PRPF8: variants seen among roughly 807,000 people sequenced by gnomAD.
The protein encoded by PRPF8 is pre-mRNA-processing-splicing factor 8.
A neutral mutation model predicts 285.9 loss-of-function variants in PRPF8; 64 were observed. The ratio of observed to expected loss-of-function variants is 0.22; its 90% CI spans 0.18 to 0.28. PRPF8 has a LOEUF of 0.28. Among genes scored for constraint, PRPF8 ranks in the 10% least tolerant of loss-of-function variants. PRPF8 has a pLI of 1.00. For missense variants in PRPF8, 1,426 were observed against 3,026.7 expected (o/e 0.47, Z 12.41); for synonymous variants, 1,325 against 1,118.2 (o/e 1.18, Z -3.69).
chr17:1,652,190 T>A, intron 39 of PRPF8: 1 of 342,966 alleles, frequency 2.9e-6, no homozygotes, highest in Non-Finnish European at 5.7e-6. Context: ...TACTATAAAC[T>A]CACCCACACA....
chr17:1,682,317 G>A (rs997580101), intron 3 of PRPF8, 24 bp from the exon 4 acceptor site: 1 of 1,612,556 alleles, frequency 6.2e-7, no homozygotes, highest in African/African-American at 1.3e-5. Flanking sequence ...AAAAGAGAAG[G>A]CTATCAGAAA....
intron 36 of PRPF8, 106 bp from the exon 37 acceptor site, chr17:1,655,649 CAG>C (rs1466617453): frequency 1.1e-5 from 11 of 1,009,050 alleles, no homozygotes; most frequent in Admixed American, 5.7e-5. Context: ...TCTTTTGAGA[CAG>C]AGTCTTGCTC....
At chr17:1,680,885 C>G in intron 7 of PRPF8, 44 bp downstream of exon 7, 1 of 1,614,176 alleles carries the variant, frequency 6.2e-7, no homozygotes, top group Non-Finnish European at 8.5e-7. Flanking sequence ...CCAACCTAAA[C>G]AGCAGCCTTC....
Position 1,678,887 on chromosome 17 carries a change from G to C in PRPF8, c.1600-6C>G, listed in dbSNP as rs1362308988. ...AAACGAGATTTCTTTCTTTCCTGGAGAAGATGCAAAAAACAGACAGAACGT... is the reference window on the plus strand; with the variant it reads ...AAACGAGATTTCTTTCTTTCCTGGACAAGATGCAAAAAACAGACAGAACGT... On this transcript the variant is annotated splice_polypyrimidine_tract_variant and splice_region_variant and intron_variant, in intron 11 of 42. Coordinates refer to ENST00000304992, the MANE Select transcript of PRPF8 (RefSeq NM_006445.4). 11 of 1,613,986 alleles carry C rather than the reference G, an allele frequency of 6.8e-6. No homozygotes were observed. In the Admixed American group the frequency reaches 1.3e-4, roughly 20 times the overall value.
In PRPF8 at chr17:1,650,805, G is replaced by A. The variant is rs1367849430; in HGVS notation, c.7005C>T (p.Ala2335=). 1.9e-6 allele frequency: 3 copies of A among 1,613,872 alleles called. No homozygotes were observed. The highest frequency in any genetic ancestry group is 1.3e-5 in the African/African-American group (1 of 74,918). ...GAAGCAGGAGGCAGGGAAACGGTCA[G>A]GCATACAGGTCCTCCCGATCCGCAG... The part of the protein sequence containing the change: ...VYSADREDLY[A] Residue 2335 remains alanine (A), a synonymous_variant, in exon 43 of 43, where the codon GCC becomes GCT. Transcript: ENST00000304992.
At chr17:1,680,578 C>T in intron 8 of PRPF8, 148 bp downstream of exon 8, 3 of 765,770 alleles carry the variant, frequency 3.9e-6, no homozygotes, top group Non-Finnish European at 6.8e-6. Context: ...AAAGCAAATG[C>T]TGAATTCTCA....
At chr17:1,678,134 G>GT (rs1912708165) in intron 13 of PRPF8, among the ~76,000 whole-genome samples, 1 of 152,150 alleles carries the variant, frequency 6.6e-6, no homozygotes, top group Non-Finnish European at 1.5e-5. Context: ...GGCCAATACA[G>GT]TGAAACCCCA....
Position 1,651,370 on chromosome 17 carries a change from A to C in PRPF8, c.6650+44T>G. 6.2e-7 allele frequency: 1 copy of C among 1,614,012 alleles called. No homozygotes were observed. The highest frequency in any genetic ancestry group is 2.2e-5 in the East Asian group (1 of 44,862). The stretch of plus-strand genomic sequence containing the variant: ...GCCACTGTTCTGGGCCCTGGCCTGC[A>C]ATCCCTGCCCCACCATACTTCCTCC... On this transcript the variant is annotated intron_variant, in intron 41 of 42. Transcript: ENST00000304992. This position sits in a 1 kb window ranked among gnomAD's most constrained non-coding sequence, Gnocchi z 5.1.
At chr17:1,683,733 C>A (rs1002472183) in intron 2 of PRPF8, 32 bp from the exon 3 acceptor site, 1 of 1,612,324 alleles carries the variant, frequency 6.2e-7, no homozygotes, top group Admixed American at 1.7e-5. Flanking sequence ...AAGGCCTGCA[C>A]ACCCTCCCCC....
Position 1,675,118 on chromosome 17 carries a change from C to A in PRPF8, c.3060+34G>T. ...GTCAGTGGGCCAGACAAGCACTCCACACACAATTCCATGCTACTGCGCCTG... is the reference window on the plus strand; with the variant it reads ...GTCAGTGGGCCAGACAAGCACTCCAAACACAATTCCATGCTACTGCGCCTG... On this transcript the variant is annotated intron_variant, in intron 20 of 42. Coordinates refer to ENST00000304992, the MANE Select transcript of PRPF8 (RefSeq NM_006445.4). This position sits in a 1 kb window ranked among gnomAD's most constrained non-coding sequence, Gnocchi z 6.0. 1 of 1,611,720 alleles carries A rather than the reference C, an allele frequency of 6.2e-7. No individual in the cohort carries two copies. Among genetic ancestry groups the A allele is most frequent in the Non-Finnish European group, 8.5e-7 (1 of 1,179,610 alleles).
rs377201730 is a variant in PRPF8 at position 1,673,399 on chromosome 17, C to T, written c.3615G>A (p.Glu1205=). Residue 1205 remains glutamate, a synonymous_variant, in exon 23 of 43, where the codon GAG becomes GAA. Transcript: ENST00000304992. The surrounding 1 kb of genome is among the most constrained non-coding windows in gnomAD (Gnocchi z 5.5). ...RILPKCRTSY[E]EFTHKDGVWN... The stretch of plus-strand genomic sequence containing the variant: ...AGACCCCGTCCTTGTGGGTGAACTC[C>T]TCATAGCTGGTGCGGCACTTAGGCA... 2.4e-5 allele frequency: 38 copies of T among 1,614,040 alleles called. No homozygotes were observed. The African/African-American group carries it at 4.8e-4, about 20-fold the overall frequency.
chr17:1,671,984 C>T (rs1473437839), intron 24 of PRPF8, among the ~76,000 whole-genome samples: 1 of 151,766 alleles, frequency 6.6e-6, no homozygotes, highest in African/African-American at 2.4e-5. Context: ...GCGCCACTGC[C>T]CTTCAGCCTA....
chr17:1,651,980 C>G lies in PRPF8; in HGVS notation c.6370-192G>C. The G allele has an allele frequency of 2.8e-6, 2 of 713,284 alleles. No individual in the cohort carries two copies. Among genetic ancestry groups the G allele is most frequent in the South Asian group, 3.3e-5 (2 of 61,134 alleles). The allele number at this position is 713,284 out of a possible 1,614,324, so 44.2% of individuals were successfully genotyped here. On this transcript the variant is annotated intron_variant, in intron 39 of 42. Transcript: ENST00000304992. The surrounding 1 kb of genome is among the most constrained non-coding windows in gnomAD (Gnocchi z 5.1). Reference sequence around the variant, plus strand: ...AGACATGGACCTCATCGCGGACTTACCACATCAGAATCTCCTGAGTGGGGT... The same window carrying G: ...AGACATGGACCTCATCGCGGACTTAGCACATCAGAATCTCCTGAGTGGGGT...
rs1422833600 is a variant in PRPF8, at chr17:1,659,565, T to G, written c.4947-17A>C. ...ATCACATCCCTGAGGATGAAGAGGG[T>G]TCAAGCTTCTAAGAAACCATGGGCA... On this transcript the variant is annotated splice_polypyrimidine_tract_variant and intron_variant, in intron 31 of 42. Coordinates refer to ENST00000304992, the MANE Select transcript of PRPF8 (RefSeq NM_006445.4). This position sits in a 1 kb window ranked among gnomAD's most constrained non-coding sequence, Gnocchi z 5.1. 5.6e-6 allele frequency: 9 copies of G among 1,609,630 alleles called. No homozygotes were observed. Among genetic ancestry groups the G allele is most frequent in the Non-Finnish European group, 7.6e-6 (9 of 1,179,450 alleles).
Position 1,653,107 on chromosome 17 carries a change from T to C in PRPF8, c.6369+435A>G. The C allele has an allele frequency of 7.0e-6, 2 of 287,366 alleles. No homozygotes were observed. The highest frequency in any genetic ancestry group is 6.8e-5 in the South Asian group (2 of 29,424). The allele number at this position is 287,366 out of a possible 1,614,324, so 17.8% of individuals were successfully genotyped here. ...GCGCATGCCACCATGCCTGGCTAAT[T>C]TTTTGTATTTTTAGTAGAGACAGGG... is the stretch of plus-strand genomic sequence containing the variant. On this transcript the variant is annotated intron_variant, in intron 39 of 42. Transcript: ENST00000304992. The surrounding 1 kb of genome is among the most constrained non-coding windows in gnomAD (Gnocchi z 4.9).
Position 1,654,798 on chromosome 17 carries a change from A to C in PRPF8, c.5987+552T>G, listed in dbSNP as rs539440351. The C allele has an allele frequency of 7.9e-5, 13 of 164,360 alleles. 1 individual carries two copies. The South Asian group carries it at 1.9e-3, about 24-fold the overall frequency. 10.2% of individuals were successfully genotyped at this position (164,360 alleles called of 1,614,324 possible). A position where few individuals can be genotyped will look rare whatever the true frequency, so the allele number is the denominator to read the frequency against. ...AGCGTGTACCACCACACCTGTTTTA[A>C]ATTTTTTTTTTTTGGTAGAGATGGC... On this transcript the variant is annotated intron_variant, in intron 37 of 42. Coordinates refer to ENST00000304992, the MANE Select transcript of PRPF8 (RefSeq NM_006445.4).
Position 1,676,396 on chromosome 17 carries a change from TCCCGCTACAG to T in PRPF8, c.2389-36_2389-27del. On this transcript the variant is annotated intron_variant, in intron 16 of 42. Transcript: ENST00000304992. This position sits in a 1 kb window ranked among gnomAD's most constrained non-coding sequence, Gnocchi z 6.3. ...CTGTAAGGTGGACATGAAATTAGCC[TCCCGCTACAG>T]CCCGATCCTGCCAGAACAAGGTTCA... 1 of 1,614,066 alleles carries T rather than the reference TCCCGCTACAG, an allele frequency of 6.2e-7. No individual in the cohort carries two copies. The highest frequency in any genetic ancestry group is 1.3e-5 in the African/African-American group (1 of 75,012).
At chr17:1,663,306 A>T (rs1333904612) in intron 24 of PRPF8, among the ~76,000 whole-genome samples, 1 of 152,192 alleles carries the variant, frequency 6.6e-6, no homozygotes, top group Non-Finnish European at 1.5e-5. Context: ...ATAATTTAAA[A>T]AAAAAAGAGT....
intron 3 of PRPF8, among the ~76,000 whole-genome samples, chr17:1,682,833 A>T (rs940116960): frequency 6.6e-6 from 1 of 152,186 alleles, no homozygotes; most frequent in Non-Finnish European, 1.5e-5. Flanking sequence ...CTGTACCTGT[A>T]CTAGCCCAGT....
Sources: allele counts gnomAD v4.1 joint callset (sites outside exome capture counted in the v4.1 genomes callset), GRCh38; gene constraint gnomAD v4.1.1; non-coding constraint Gnocchi (gnomAD v3.1); transcripts MANE v1.5; gene names NCBI Gene and HGNC (gene_info 2026-07-23, HGNC 2026-07-21).